Variants in ST6GAL1 observed in about 807,000 individuals in gnomAD.
ST6GAL1 encodes beta-galactoside alpha-2,6-sialyltransferase 1.
A neutral mutation model predicts 38.0 loss-of-function variants in ST6GAL1; 20 were observed. The observed-to-expected ratio is 0.53, with a 90% CI of 0.37 to 0.77. ST6GAL1 has a LOEUF of 0.77. ST6GAL1 is among the 30% of genes least tolerant of loss of function. The pLI, the probability that ST6GAL1 is intolerant of heterozygous loss-of-function variation, is 0.00. For synonymous variants in ST6GAL1, 196 were observed against 188.2 expected, an observed-to-expected ratio of 1.04 and a Z score of -0.34; for missense variants, 432 against 496.4, an observed-to-expected ratio of 0.87 and a Z score of 1.23.
chr3:187,054,109 T>C (rs1718607360), intron 5 of ST6GAL1, among the ~76,000 whole-genome samples: 1 of 152,244 alleles, frequency 6.6e-6, no homozygotes, highest in East Asian at 1.9e-4. Flanking sequence ...TTGTCTGTTA[T>C]TGGTGTATAG....
At chr3:187,008,855 T>G (rs1040426439) in intron 2 of ST6GAL1, among the ~76,000 whole-genome samples, 2 of 152,096 alleles carry the variant, frequency 1.3e-5, no homozygotes, top group African/African-American at 4.8e-5. Flanking sequence ...CTTTTTTGGT[T>G]TTTCTCTCTC....
At chr3:186,995,505 C>CAAAA (rs200317857) in intron 2 of ST6GAL1, among the ~76,000 whole-genome samples, 4 of 26,768 alleles carry the variant, frequency 1.5e-4, no homozygotes, top group Non-Finnish European at 1.5e-4. Context: ...GACACCATCT[C>CAAAA]AAAAAAAAAA....
chr3:187,006,765 A>T lies in ST6GAL1; in HGVS notation c.-182-31977A>T, dbSNP rs6791737. On this transcript the variant is annotated intron_variant, in intron 2 of 7. Transcript: ENST00000169298. ...CCATTGTGCTTCTTGATTAAGTTTG[A>T]TTTCATTCCAGTCATCTCCTTAGAC... Among the ~76,000 whole-genome samples, 12 of 152,204 alleles carry T rather than the reference A, an allele frequency of 7.9e-5. No homozygotes were observed. The East Asian group carries it at 1.5e-3, about 20-fold the overall frequency.
chr3:186,951,531 T>C (rs907765111), intron 1 of ST6GAL1, among the ~76,000 whole-genome samples: 3 of 152,204 alleles, frequency 2.0e-5, no homozygotes, highest in South Asian at 4.1e-4. Context: ...TTTGTGAGGT[T>C]GACCTGGGCA....
chr3:187,002,063 A>G (rs17719193), intron 2 of ST6GAL1, among the ~76,000 whole-genome samples: 3,111 of 151,004 alleles, frequency 0.021, 44 homozygotes, highest in Non-Finnish European at 0.027. Context: ...TGTTGTAATT[A>G]GCTGTTAGAT....
At chr3:187,043,501 T>C (rs1014026968) in intron 4 of ST6GAL1, among the ~76,000 whole-genome samples, 191 bp downstream of exon 4, 1 of 152,206 alleles carries the variant, frequency 6.6e-6, no homozygotes, top group African/African-American at 2.4e-5. Context: ...CCCGCATCTT[T>C]TATCAATTAG....
chr3:186,932,142 CGG>C (rs11332772), intron 1 of ST6GAL1, among the ~76,000 whole-genome samples: 1 of 151,782 alleles, frequency 6.6e-6, no homozygotes, highest in African/African-American at 2.4e-5. Flanking sequence ...AACCTGTCCC[CGG>C]GGGGGGAACT....
chr3:187,050,600 AAAG>A (rs892696144), intron 4 of ST6GAL1, among the ~76,000 whole-genome samples: 1 of 151,614 alleles, frequency 6.6e-6, no homozygotes, highest in Non-Finnish European at 1.5e-5. Flanking sequence ...GAAGGAAGGA[AAAG>A]AAGGAAGGAA....
chr3:187,025,019 G>C (rs1004487347), intron 2 of ST6GAL1, among the ~76,000 whole-genome samples: 2 of 150,120 alleles, frequency 1.3e-5, no homozygotes. Flanking sequence ...GTGTGTGTGT[G>C]TCTGTGTGTG....
intron 2 of ST6GAL1, among the ~76,000 whole-genome samples, chr3:187,026,001 G>A (rs563552222): frequency 3.3e-5 from 5 of 152,278 alleles, no homozygotes; most frequent in African/African-American, 1.2e-4. Flanking sequence ...CTTTGCTCTG[G>A]GCAGGATCTC....
chr3:187,043,399 G>A (rs1459227982), intron 4 of ST6GAL1, 89 bp downstream of exon 4: 2 of 1,528,720 alleles, frequency 1.3e-6, no homozygotes, highest in East Asian at 2.3e-5. Flanking sequence ...GCCCAAGTGT[G>A]GCTCAGCGGA....
intron 2 of ST6GAL1, among the ~76,000 whole-genome samples, chr3:187,018,473 A>G (rs1047518929): frequency 1.3e-5 from 2 of 152,172 alleles, no homozygotes; most frequent in African/African-American, 2.4e-5. Context: ...CAGGTTGAGG[A>G]GCAGGAAAGC....
chr3:186,973,786 C>T (rs1715432124), intron 2 of ST6GAL1, among the ~76,000 whole-genome samples: 1 of 152,170 alleles, frequency 6.6e-6, no homozygotes, highest in Non-Finnish European at 1.5e-5. Flanking sequence ...TGAAAGAAAA[C>T]GGGACATGTG....
At chr3:186,959,924 GAGTGGGGATGGCT>G in intron 1 of ST6GAL1, among the ~76,000 whole-genome samples, 1 of 152,258 alleles carries the variant, frequency 6.6e-6, no homozygotes, top group Admixed American at 6.5e-5. Flanking sequence ...CCTGGGTGCT[GAGTGGGGATGGCT>G]CCTTGAAGCC....
rs776000346 is a variant in ST6GAL1 at position 187,024,095 on chromosome 3, CTTGT to C, written c.-182-14636_-182-14633del. Among the ~76,000 whole-genome samples, 101 of 150,862 alleles carry C rather than the reference CTTGT, an allele frequency of 6.7e-4. 1 individual carries two copies. Among genetic ancestry groups the C allele is most frequent in the African/African-American group, 2.1e-3 (85 of 41,090 alleles). ...TATATATACATATATACATGTTTTG[CTTGT>C]TTGTTTGTTTTTTGAGACAAAGTCT... is the stretch of plus-strand genomic sequence containing the variant. On this transcript the variant is annotated intron_variant, in intron 2 of 7. Transcript: ENST00000169298.
chr3:187,026,212 C>G (rs1036257844), intron 2 of ST6GAL1, among the ~76,000 whole-genome samples: 3 of 152,198 alleles, frequency 2.0e-5, no homozygotes, highest in African/African-American at 7.2e-5. Context: ...GGTGACTTGT[C>G]AGAAATGTTT....
intron 1 of ST6GAL1, chr3:186,931,097 C>G (rs1370845848): frequency 6.6e-6 from 1 of 152,056 alleles, no homozygotes; most frequent in Non-Finnish European, 1.5e-5. Flanking sequence ...AACAAACCCA[C>G]GTGCGCACAG....
At chr3:186,970,926 T>A (rs1212975454) in intron 2 of ST6GAL1, among the ~76,000 whole-genome samples, 2 of 152,128 alleles carry the variant, frequency 1.3e-5, no homozygotes, top group African/African-American at 4.8e-5. Flanking sequence ...TGCCGAGGAG[T>A]TCAATTGCTA....
chr3:187,041,142 G>C (rs9847687), intron 3 of ST6GAL1, among the ~76,000 whole-genome samples: 79,265 of 152,094 alleles, frequency 0.52, 24,168 homozygotes, highest in African/African-American at 0.85. Context: ...TGAATACCAT[G>C]CTCTTGTTTT....
Sources: allele counts gnomAD v4.1 joint callset (sites outside exome capture counted in the v4.1 genomes callset), GRCh38; gene constraint gnomAD v4.1.1; transcripts MANE v1.5; gene names NCBI Gene and HGNC (gene_info 2026-07-23, HGNC 2026-07-21).